The following LONRF1 variants were observed in gnomAD, a reference collection of about 807,000 sequenced individuals.
The protein encoded by LONRF1 is LON peptidase N-terminal domain and RING finger protein 1.
A neutral mutation model predicts 85.8 loss-of-function variants in LONRF1; 37 were observed. The observed-to-expected ratio is 0.43, with a 90% CI of 0.33 to 0.57. The LOEUF is 0.57. Among genes scored for constraint, LONRF1 ranks in the 20% least tolerant of loss-of-function variants. LONRF1 has a pLI of 0.04. For missense variants in LONRF1, 1,036 were observed against 978.0 expected, an observed-to-expected ratio of 1.06 and a Z score of -0.79; for synonymous variants, 517 against 390.1, an observed-to-expected ratio of 1.33 and a Z score of -3.83.
intron 2 of LONRF1, 138 bp from the exon 3 acceptor site, chr8:12,741,134 A>C (rs536191766): frequency 1.3e-5 from 11 of 841,952 alleles, no homozygotes; most frequent in African/African-American, 6.8e-5. Flanking sequence ...CTGTAATCCC[A>C]GCACTTTGGG....
chr8:12,742,397 T>C (rs1307440760), intron 2 of LONRF1, among the ~76,000 whole-genome samples: 3 of 152,204 alleles, frequency 2.0e-5, no homozygotes, highest in Non-Finnish European at 4.4e-5. Flanking sequence ...GACTGTATGT[T>C]ATACACATTC....
At chr8:12,735,484 T>A in intron 6 of LONRF1, 84 bp from the exon 7 acceptor site, 1 of 865,072 alleles carries the variant, frequency 1.2e-6, no homozygotes, top group East Asian at 2.7e-5. Flanking sequence ...ATAACACTAA[T>A]CTCTATTTAA....
chr8:12,755,152 AC>A lies in LONRF1; in HGVS notation c.268del (p.Val90TrpfsTer41). The A allele has an allele frequency of 1.4e-6, 2 of 1,426,542 alleles. No homozygotes were observed. Among genetic ancestry groups the A allele is most frequent in the Non-Finnish European group, 1.8e-6 (2 of 1,092,014 alleles). 88.4% of individuals were successfully genotyped at this position (1,426,542 alleles called of 1,614,324 possible). On this transcript the variant is annotated frameshift_variant, in exon 1 of 12. Coordinates refer to ENST00000398246, the MANE Select transcript of LONRF1 (RefSeq NM_152271.5). LOFTEE classifies it high-confidence loss of function. The stretch of plus-strand genomic sequence containing the variant: ...CCGGTAGTTGAACACCAGGCAGTCC[AC>A]CAGGGCGCCCAGGCACTCGGGCCTG... ...PARPECLGAL[V>X]DCLVFNYRLR... is the part of the protein sequence containing the mutation.
At chr8:12,752,747 G>A (rs962872809) in intron 1 of LONRF1, among the ~76,000 whole-genome samples, 1 of 152,212 alleles carries the variant, frequency 6.6e-6, no homozygotes, top group African/African-American at 2.4e-5. Flanking sequence ...TATCAAAAGT[G>A]CTCACTGTTC....
chr8:12,747,811 A>C (rs1284537226), intron 1 of LONRF1, among the ~76,000 whole-genome samples: 2 of 151,160 alleles, frequency 1.3e-5, no homozygotes, highest in African/African-American at 4.9e-5. Flanking sequence ...TTCAAAGTTC[A>C]GTTTGATTAT....
intron 2 of LONRF1, among the ~76,000 whole-genome samples, chr8:12,741,823 C>T (rs1446877824): frequency 6.6e-6 from 1 of 152,158 alleles, no homozygotes; most frequent in Non-Finnish European, 1.5e-5. Context: ...TTTTGTCTTT[C>T]ACTTTTCTCC....
intron 1 of LONRF1, among the ~76,000 whole-genome samples, chr8:12,751,104 C>G (rs1168077727): frequency 6.6e-6 from 1 of 152,034 alleles, no homozygotes; most frequent in Non-Finnish European, 1.5e-5. Context: ...GGATTGGAAC[C>G]CAGGTGTCAG....
chr8:12,752,564 A>G (rs1271262956), intron 1 of LONRF1, among the ~76,000 whole-genome samples: 1 of 152,244 alleles, frequency 6.6e-6, no homozygotes, highest in African/African-American at 2.4e-5. Context: ...GCAAAAGTAG[A>G]ATGAAGTTGC....
At position 12,737,650 on chromosome 8, in the gene LONRF1, C is replaced by A. The variant is rs552110159; in HGVS notation, c.1113+345G>T. 1.5e-3 allele frequency among the ~76,000 whole-genome samples: 231 copies of A among 152,194 alleles called. 2 individuals carry two copies. The highest frequency in any genetic ancestry group is 0.01 in the Middle Eastern group (3 of 294). On this transcript the variant is annotated intron_variant, in intron 4 of 11. Transcript: ENST00000398246. ...GATACAAGGGATGACTGTACTTACA[C>A]AGCCCTAGAAATCAAGGTGACTTAT... is the stretch of plus-strand genomic sequence containing the variant.
chr8:12,725,968 G>C, intron 10 of LONRF1, 89 bp from the exon 11 acceptor site: 1 of 1,214,978 alleles, frequency 8.2e-7, no homozygotes. Context: ...AAAGGGATCA[G>C]AAGAACAGGG....
intron 1 of LONRF1, among the ~76,000 whole-genome samples, chr8:12,746,731 A>T (rs991723457): frequency 3.9e-5 from 6 of 152,178 alleles, no homozygotes; most frequent in Non-Finnish European, 8.8e-5. Context: ...TTTTTATAGA[A>T]AACAGTGAAG....
chr8:12,742,776 G>A (rs925532875), intron 2 of LONRF1, among the ~76,000 whole-genome samples: 1 of 151,984 alleles, frequency 6.6e-6, no homozygotes, highest in African/African-American at 2.4e-5. Context: ...TGACACCAAG[G>A]CTGGAATGCA....
At chr8:12,726,869 G>T (rs971337290) in intron 10 of LONRF1, among the ~76,000 whole-genome samples, 2 of 152,160 alleles carry the variant, frequency 1.3e-5, no homozygotes, top group African/African-American at 4.8e-5. Flanking sequence ...GATTTGAAAT[G>T]AAAACTAAAG....
At position 12,740,936 on chromosome 8, in the gene LONRF1, G is replaced by C. The variant is rs758592289; in HGVS notation, c.901C>G (p.Leu301Val). 6.2e-7 allele frequency: 1 copy of C among 1,613,580 alleles called. No individual in the cohort carries two copies. The highest frequency in any genetic ancestry group is 8.5e-7 in the Non-Finnish European group (1 of 1,179,640). The change falls in exon 3 of 12, where the codon CTC (leucine) becomes GTC (valine). Residue 301 changes from leucine (L) to valine (V), a missense_variant. Around this residue, in one of 3 missense-constraint regions of LONRF1, gnomAD observed 742 missense variants for 614.4 expected, o/e 1.21. Transcript: ENST00000398246. ...DAGFLGDALQ[L>V]FLQCLALDED... Reference sequence around the variant, plus strand: ...TCAAGGGCTAAGCACTGAAGAAAGAGTTGTAAGGCATCACCTAAAAAACCA... The same window carrying C: ...TCAAGGGCTAAGCACTGAAGAAAGACTTGTAAGGCATCACCTAAAAAACCA...
intron 3 of LONRF1, among the ~76,000 whole-genome samples, chr8:12,739,464 T>C (rs1172093644): frequency 6.6e-6 from 1 of 152,034 alleles, no homozygotes; most frequent in Non-Finnish European, 1.5e-5. Flanking sequence ...AGTAGTTGCC[T>C]CTAGGAGCAG....
At chr8:12,750,210 C>A (rs1294378724) in intron 1 of LONRF1, among the ~76,000 whole-genome samples, 2 of 152,120 alleles carry the variant, frequency 1.3e-5, no homozygotes, top group Non-Finnish European at 2.9e-5. Context: ...GGATCAATTA[C>A]GATAATAGAA....
At chr8:12,736,055 T>C (rs1798703984) in intron 6 of LONRF1, among the ~76,000 whole-genome samples, 1 of 152,088 alleles carries the variant, frequency 6.6e-6, no homozygotes, top group South Asian at 2.1e-4. Flanking sequence ...TTTAGTATAA[T>C]CCCCTCACTT....
intron 1 of LONRF1, chr8:12,754,449 A>C: frequency 1.2e-4 from 37 of 321,190 alleles, no homozygotes; most frequent in East Asian, 3.3e-4. Context: ...GGCCGAGGGA[A>C]CCCCGCGCCG....
intron 1 of LONRF1, chr8:12,753,499 T>C (rs1199938044): frequency 6.6e-6 from 1 of 152,172 alleles, no homozygotes; most frequent in Non-Finnish European, 1.5e-5. Flanking sequence ...TTCTTTGTTG[T>C]GGGAATCCTG....
Sources: gnomAD v4.1 joint callset for allele counts (sites outside exome capture counted in the v4.1 genomes callset) on GRCh38, gnomAD v4.1.1 for gene constraint, gnomAD v4.1.1 regional missense constraint, MANE v1.5 for transcripts, NCBI Gene and HGNC (gene_info 2026-07-23, HGNC 2026-07-21) for gene names.